Variants in LRMDA observed in about 807,000 individuals in gnomAD.
LRMDA encodes leucine-rich melanocyte differentiation-associated protein.
LRMDA carries 18 observed loss-of-function variants against 29.8 expected under a neutral mutation model. That is an observed-to-expected ratio of 0.60 (90% CI 0.42 to 0.90). The LOEUF (loss-of-function observed/expected upper bound fraction) is 0.90, where lower values mean the gene tolerates loss of function less well. Among genes scored for constraint, LRMDA ranks in the 40% least tolerant of loss-of-function variants. The pLI, the probability that LRMDA is intolerant of heterozygous loss-of-function variation, is 0.00. For missense variants in LRMDA, 273 were observed against 273.9 expected (o/e 1.00, Z 0.02); for synonymous variants, 125 against 109.4 (o/e 1.14, Z -0.89).
intron 2 of LRMDA, among the ~76,000 whole-genome samples, chr10:75,857,878 C>T (rs1475933430): frequency 1.3e-5 from 2 of 152,234 alleles, no homozygotes; most frequent in Non-Finnish European, 2.9e-5. Flanking sequence ...GCTAATGCTG[C>T]AGGAGGGCAC....
chr10:75,616,725 C>T, intron 2 of LRMDA, among the ~76,000 whole-genome samples: 1 of 152,152 alleles, frequency 6.6e-6, no homozygotes, highest in Non-Finnish European at 1.5e-5. Context: ...TTTATGAAGA[C>T]AGTTGTATAT....
chr10:75,963,639 C>G (rs768491293), intron 2 of LRMDA, among the ~76,000 whole-genome samples: 2 of 152,174 alleles, frequency 1.3e-5, no homozygotes, highest in Non-Finnish European at 2.9e-5. Context: ...CTTGGTGAAT[C>G]TGGGAAGGTT....
At chr10:75,997,678 G>T (rs1847493826) in intron 2 of LRMDA, among the ~76,000 whole-genome samples, 1 of 152,184 alleles carries the variant, frequency 6.6e-6, no homozygotes, top group Non-Finnish European at 1.5e-5. Flanking sequence ...GGAGCAGCCA[G>T]GTGGCCCCAT....
At chr10:75,982,929 A>G (rs1359096587) in intron 2 of LRMDA, among the ~76,000 whole-genome samples, 1 of 152,202 alleles carries the variant, frequency 6.6e-6, no homozygotes, top group Non-Finnish European at 1.5e-5. Flanking sequence ...CAAGGAGCAC[A>G]TTCATATCCC....
intron 6 of LRMDA, among the ~76,000 whole-genome samples, chr10:76,423,786 A>T (rs1842094088): frequency 6.6e-6 from 1 of 152,158 alleles, no homozygotes; most frequent in Non-Finnish European, 1.5e-5. Flanking sequence ...TATTTTTGTT[A>T]AACGGTGGAC....
chr10:76,166,846 T>C (rs778899009), intron 5 of LRMDA, among the ~76,000 whole-genome samples: 12 of 152,210 alleles, frequency 7.9e-5, no homozygotes, highest in Non-Finnish European at 1.5e-4. Context: ...AGCTCTATTT[T>C]TAGCTCTTTG....
intron 2 of LRMDA, among the ~76,000 whole-genome samples, chr10:75,990,263 C>T (rs1847344945): frequency 6.6e-6 from 1 of 152,020 alleles, no homozygotes; most frequent in Admixed American, 6.6e-5. Flanking sequence ...TGTCAGATTC[C>T]AGGATGGATT....
At chr10:75,447,462 G>A (rs903011637) in intron 2 of LRMDA, among the ~76,000 whole-genome samples, 3 of 152,108 alleles carry the variant, frequency 2.0e-5, no homozygotes, top group African/African-American at 7.2e-5. Flanking sequence ...GGAGGCAGAG[G>A]TTGCAATGAG....
At chr10:76,468,184 C>T in intron 6 of LRMDA, among the ~76,000 whole-genome samples, 1 of 152,198 alleles carries the variant, frequency 6.6e-6, no homozygotes, top group East Asian at 1.9e-4. Context: ...GCTAACAGAG[C>T]CACTATATGT....
intron 2 of LRMDA, among the ~76,000 whole-genome samples, chr10:75,799,849 G>A (rs983902677): frequency 6.6e-6 from 1 of 151,888 alleles, no homozygotes; most frequent in African/African-American, 2.4e-5. Context: ...TTCCCAAATT[G>A]AAGGGAATTT....
In LRMDA at chr10:75,658,466, T is replaced by A. The variant is rs796410343; in HGVS notation, c.131+219972T>A. Among the ~76,000 whole-genome samples, 63 of 152,296 alleles carry A rather than the reference T, an allele frequency of 4.1e-4. 1 individual carries two copies. The highest frequency in any genetic ancestry group is 4.1e-4 in the South Asian group (2 of 4,830). ...AAATAGCAAAAGGTTTCTTTTTTTT[T>A]ATGTGAATCTTTGTTTCTCAAAGAA... is the stretch of plus-strand genomic sequence containing the variant. On this transcript the variant is annotated intron_variant, in intron 2 of 6. Coordinates refer to ENST00000611255, the MANE Select transcript of LRMDA (RefSeq NM_001305581.2).
chr10:76,424,179 C>T (rs934803275), intron 6 of LRMDA, among the ~76,000 whole-genome samples: 5 of 152,128 alleles, frequency 3.3e-5, no homozygotes, highest in African/African-American at 1.2e-4. Flanking sequence ...TCTAAGTGCT[C>T]ATATTTGAGA....
chr10:75,732,112 T>TG, intron 2 of LRMDA, among the ~76,000 whole-genome samples: 1 of 152,280 alleles, frequency 6.6e-6, no homozygotes, highest in South Asian at 2.1e-4. Flanking sequence ...GTGAGTTTTT[T>TG]TGTGTGTGTG....
chr10:76,001,560 A>G (rs900555688), intron 2 of LRMDA, among the ~76,000 whole-genome samples: 3 of 152,212 alleles, frequency 2.0e-5, no homozygotes, highest in Non-Finnish European at 2.9e-5. Flanking sequence ...ATTTGCACTT[A>G]ACTGACTGAT....
chr10:75,999,484 C>T (rs910909507), intron 2 of LRMDA, among the ~76,000 whole-genome samples: 7 of 152,136 alleles, frequency 4.6e-5, no homozygotes, highest in African/African-American at 1.4e-4. Context: ...ATGCCTGGTA[C>T]CCAGATTGAT....
At chr10:76,514,347 C>T (rs146645912) in intron 6 of LRMDA, among the ~76,000 whole-genome samples, 107 of 152,256 alleles carry the variant, frequency 7.0e-4, no homozygotes, top group African/African-American at 2.5e-3. Context: ...CCTAGATCAT[C>T]CTCATCAAAG....
intron 2 of LRMDA, chr10:75,742,860 T>C (rs1842846743): frequency 6.6e-6 from 1 of 152,294 alleles, no homozygotes; most frequent in Admixed American, 6.5e-5. Flanking sequence ...GTTCTCCAGG[T>C]GACTTTAATA....
Position 76,410,298 on chromosome 10 carries a change from CTTTTTTTTTTTTTTTTT to C in LRMDA, c.601+85825_601+85841del, listed in dbSNP as rs1172213249. On this transcript the variant is annotated intron_variant, in intron 6 of 6. Coordinates refer to ENST00000611255, the MANE Select transcript of LRMDA (RefSeq NM_001305581.2). ...GAGGCTTGGAAAAATCACTTTCTTT[CTTTTTTTTTTTTTTTTT>C]TTTTTTTTTTTGAGATAGGGTCTCA... Among the ~76,000 whole-genome samples the C allele has an allele frequency of 8.7e-4, 58 of 66,566 alleles. 1 individual carries two copies. Among genetic ancestry groups the C allele is most frequent in the Middle Eastern group, 0.017 (1 of 60 alleles). 43.7% of individuals were successfully genotyped at this position (66,566 alleles called of 152,430 possible). A position where few individuals can be genotyped will look rare whatever the true frequency, so the allele number is the denominator to read the frequency against.
chr10:75,491,145 G>T (rs1343278750), intron 2 of LRMDA, among the ~76,000 whole-genome samples: 3 of 152,188 alleles, frequency 2.0e-5, no homozygotes, highest in Admixed American at 1.3e-4. Flanking sequence ...TGACTTGGAA[G>T]AATTATTATT....
Sources: allele counts gnomAD v4.1 joint callset (sites outside exome capture counted in the v4.1 genomes callset), GRCh38; gene constraint gnomAD v4.1.1; transcripts MANE v1.5; gene names NCBI Gene and HGNC (gene_info 2026-07-23, HGNC 2026-07-21).